MET: variants seen among roughly 807,000 people sequenced by gnomAD.
The protein encoded by MET is hepatocyte growth factor receptor.
MET carries 48 observed loss-of-function variants against 133.1 expected under a neutral mutation model. The observed-to-expected ratio is 0.36, with a 90% confidence interval of 0.29 to 0.46. MET has a LOEUF of 0.46. Among genes scored for constraint, MET ranks in the 20% least tolerant of loss-of-function variants. MET has a pLI of 1.00. For missense variants in MET, 1,442 were observed against 1,695.9 expected (o/e 0.85, Z 2.63); for synonymous variants, 628 against 616.5 (o/e 1.02, Z -0.28).
chr7:116,758,767 A>G (rs1477011944), intron 9 of MET, 147 bp downstream of exon 9: 3 of 758,488 alleles, frequency 4.0e-6, no homozygotes, highest in Admixed American at 4.9e-5. Flanking sequence ...CAGGAGAGAA[A>G]ACTATATTCA....
At chr7:116,738,587 G>A (rs973011295) in intron 3 of MET, among the ~76,000 whole-genome samples, 1 of 152,048 alleles carries the variant, frequency 6.6e-6, no homozygotes, top group Non-Finnish European at 1.5e-5. Flanking sequence ...TGAAAGCGTT[G>A]AGTGTTTAGA....
chr7:116,737,436 G>A (rs988326618), intron 3 of MET, among the ~76,000 whole-genome samples: 1 of 152,198 alleles, frequency 6.6e-6, no homozygotes, highest in Non-Finnish European at 1.5e-5. Flanking sequence ...GGAGCTCAGA[G>A]TTGAAGCTTT....
At chr7:116,759,557 T>C in intron 10 of MET, 67 bp downstream of exon 10, 1 of 1,551,734 alleles carries the variant, frequency 6.4e-7, no homozygotes, top group East Asian at 2.3e-5. Context: ...GTGGCTTTCA[T>C]GGTACCTGAG....
intron 2 of MET, among the ~76,000 whole-genome samples, chr7:116,718,649 C>G (rs958294696): frequency 1.6e-5 from 2 of 127,516 alleles, no homozygotes; most frequent in African/African-American, 2.9e-5. Context: ...CCCCTCCCCC[C>G]ACCCCACCAC....
chr7:116,699,738 G>T lies in MET; in HGVS notation c.654G>T (p.Arg218Ser), dbSNP rs35284565. Residue 218 changes from arginine to serine, a missense_variant, in exon 2 of 21, where the codon AGG (arginine) becomes AGT (serine). Coordinates refer to ENST00000397752, the MANE Select transcript of MET (RefSeq NM_000245.4). ...CATTGCATTCGATATCAGTGAGAAG[G>T]CTAAAGGAAACGAAAGATGGTTTTA... ...DHPLHSISVR[R>S]LKETKDGFMF... The T allele has an allele frequency of 9.3e-6, 15 of 1,614,088 alleles. No individual in the cohort carries two copies. In the Admixed American group the frequency reaches 1.8e-4, roughly 20 times the overall value.
rs886061943 is a variant in MET at position 116,700,258 on chromosome 7, C to A, written c.1174C>A (p.Pro392Thr). The change falls in exon 2 of 21, where the codon CCC (proline) becomes ACC (threonine). Residue 392 changes from proline (P) to threonine (T), a missense_variant. By Grantham distance (38) the Pro-to-Thr change is conservative. This residue lies in a region of MET where 762 missense variants were observed against 792.4 expected (regional missense o/e 0.96). Transcript: ENST00000397752. ...GAGATGTCTCCAGCATTTTTACGGA[C>A]CCAATCATGAGCACTGCTTTAATAG... is the stretch of plus-strand genomic sequence containing the variant. Reference protein sequence around the residue: ...NVRCLQHFYGPNHEHCFNRTL... With the variant: ...NVRCLQHFYGTNHEHCFNRTL... 1.9e-6 allele frequency: 3 copies of A among 1,603,418 alleles called. No individual in the cohort carries two copies. The highest frequency in any genetic ancestry group is 1.7e-6 in the Non-Finnish European group (2 of 1,178,034).
At chr7:116,756,073 A>G (rs1794167725) in intron 6 of MET, among the ~76,000 whole-genome samples, 1 of 152,202 alleles carries the variant, frequency 6.6e-6, no homozygotes. Flanking sequence ...GGGAGGGAGC[A>G]GTATCATTCC....
At position 116,763,143 on chromosome 7, in the gene MET, T is replaced by G; in HGVS notation, c.2458T>G (p.Phe820Val). The G allele has an allele frequency of 6.2e-7, 1 of 1,614,014 alleles. No individual in the cohort carries two copies. The highest frequency in any genetic ancestry group is 1.3e-5 in the African/African-American group (1 of 75,052). Residue 820 changes from phenylalanine to valine, a missense_variant, in exon 11 of 21, where the codon TTT becomes GTT. Phe to Val is a conservative substitution (Grantham distance 50). This residue lies in a region of MET where 514 missense variants were observed against 659.6 expected (regional missense o/e 0.78). Transcript: ENST00000397752. The part of the protein sequence containing the change: ...NLQLPLKTKA[F>V]FMLDGILSKY... Reference sequence around the variant, plus strand: ...GCAACTCCCCCTGAAAACCAAAGCCTTTTTCATGTTAGATGGGATCCTTTC... The same window carrying G: ...GCAACTCCCCCTGAAAACCAAAGCCGTTTTCATGTTAGATGGGATCCTTTC...
At chr7:116,724,158 G>A (rs1259076595) in intron 2 of MET, 2 of 169,156 alleles carry the variant, frequency 1.2e-5, no homozygotes, top group Non-Finnish European at 2.5e-5. Context: ...AGGACCCTCC[G>A]AGCCAGGTGA....
intron 2 of MET, among the ~76,000 whole-genome samples, chr7:116,710,896 G>T (rs1012460652): frequency 1.3e-5 from 2 of 152,166 alleles, no homozygotes; most frequent in Non-Finnish European, 2.9e-5. Flanking sequence ...TTAATTATTT[G>T]TGTGATCTTT....
chr7:116,690,094 T>C (rs535732046), intron 1 of MET, among the ~76,000 whole-genome samples: 8 of 152,268 alleles, frequency 5.3e-5, no homozygotes, highest in Non-Finnish European at 1.2e-4. Flanking sequence ...CACCAGGTAT[T>C]TGGAGTGGTC....
chr7:116,759,197 T>C, intron 9 of MET, 194 bp from the exon 10 acceptor site: 1 of 727,338 alleles, frequency 1.4e-6, no homozygotes, highest in South Asian at 2.1e-5. Flanking sequence ...CTTAAGCTTA[T>C]GAAATATGCA....
Position 116,796,725 on chromosome 7 carries a change from T to C in MET, c.*601T>C. 4.9e-6 allele frequency: 1 copy of C among 202,956 alleles called. No individual in the cohort carries two copies. Among genetic ancestry groups the C allele is most frequent in the Non-Finnish European group, 1.0e-5 (1 of 98,424 alleles). The allele number at this position is 202,956 out of a possible 1,614,324, so 12.6% of individuals were successfully genotyped here. ...ATCATAGCTCACTGCAACCTCCACCTCCCAGGCTCAAGCCTCCCGAATAGC... is the reference window on the plus strand; with the variant it reads ...ATCATAGCTCACTGCAACCTCCACCCCCCAGGCTCAAGCCTCCCGAATAGC... On this transcript the variant is annotated 3_prime_UTR_variant, in exon 21 of 21. Transcript: ENST00000397752.
intron 2 of MET, among the ~76,000 whole-genome samples, chr7:116,729,695 A>C (rs1792923245): frequency 6.6e-6 from 1 of 152,074 alleles, no homozygotes; most frequent in Non-Finnish European, 1.5e-5. Flanking sequence ...CCCATCGTCT[A>C]CCCCAGATTT....
chr7:116,697,763 A>C (rs929663031), intron 1 of MET, among the ~76,000 whole-genome samples: 3 of 152,140 alleles, frequency 2.0e-5, no homozygotes, highest in Admixed American at 2.0e-4. Flanking sequence ...ATTGCTCATG[A>C]TCATAATAAT....
At chr7:116,680,697 T>G (rs1002428573) in intron 1 of MET, among the ~76,000 whole-genome samples, 4 of 152,078 alleles carry the variant, frequency 2.6e-5, no homozygotes, top group African/African-American at 9.7e-5. Flanking sequence ...ATCCCAGCAC[T>G]TTAGGAGGCC....
chr7:116,764,392 T>C, intron 11 of MET, among the ~76,000 whole-genome samples: 1 of 152,130 alleles, frequency 6.6e-6, no homozygotes, highest in Non-Finnish European at 1.5e-5. Flanking sequence ...TCACTTCTTT[T>C]TTTTTAATAA....
At position 116,755,454 on chromosome 7, in the gene MET, A is replaced by G. The variant is rs1216005099; in HGVS notation, c.1801A>G (p.Thr601Ala). Residue 601 changes from threonine (T) to alanine (A), a missense_variant, in exon 6 of 21, where the codon ACT becomes GCT. By Grantham distance (58) the Thr-to-Ala change is moderately conservative. This residue lies in a region of MET where 762 missense variants were observed against 792.4 expected (regional missense o/e 0.96). Coordinates refer to ENST00000397752, the MANE Select transcript of MET (RefSeq NM_000245.4). ...GAATAATAAATTTGATTTAAAGAAAACTAGAGTTCTCCTTGGAAATGAGAG... is the reference window on the plus strand; with the variant it reads ...GAATAATAAATTTGATTTAAAGAAAGCTAGAGTTCTCCTTGGAAATGAGAG... The part of the protein sequence containing the change: ...RRNNKFDLKK[T>A]RVLLGNESCT... 17 of 1,614,156 alleles carry G rather than the reference A, an allele frequency of 1.1e-5. No individual in the cohort carries two copies. The highest frequency in any genetic ancestry group is 1.4e-5 in the Non-Finnish European group (17 of 1,180,022).
At chr7:116,730,537 C>T (rs746249527) in intron 2 of MET, among the ~76,000 whole-genome samples, 3 of 152,020 alleles carry the variant, frequency 2.0e-5, no homozygotes, top group Non-Finnish European at 2.9e-5. Context: ...GTTAAGAAGC[C>T]GCCGCAGTAG....
Sources: allele counts gnomAD v4.1 joint callset (sites outside exome capture counted in the v4.1 genomes callset), GRCh38; gene constraint gnomAD v4.1.1; regional missense constraint gnomAD v4.1.1; transcripts MANE v1.5; gene names NCBI Gene and HGNC (gene_info 2026-07-23, HGNC 2026-07-21).